The following CACNA2D1 variants were observed in gnomAD, a reference collection of about 807,000 sequenced individuals.
The protein encoded by CACNA2D1 is voltage-dependent calcium channel subunit alpha-2/delta-1.
Under a neutral mutation model 171.5 loss-of-function variants are expected in CACNA2D1, and 53 were observed. That is an observed-to-expected ratio of 0.31 (90% CI 0.25 to 0.39). The LOEUF is 0.39. Among genes scored for constraint, CACNA2D1 ranks in the 10% least tolerant of loss-of-function variants. CACNA2D1 has a pLI of 1.00. For missense variants in CACNA2D1, 903 were observed against 1,299.8 expected (o/e 0.69, Z 4.69); for synonymous variants, 442 against 443.1 (o/e 1.00, Z 0.03).
chr7:81,994,661 T>C (rs914035697), intron 20 of CACNA2D1, among the ~76,000 whole-genome samples: 2 of 151,936 alleles, frequency 1.3e-5, no homozygotes, highest in Non-Finnish European at 2.9e-5. Context: ...AGCAATAGTA[T>C]TTTATAAAAA....
intron 4 of CACNA2D1, among the ~76,000 whole-genome samples, chr7:82,144,213 T>A (rs185335469): frequency 2.3e-3 from 350 of 152,228 alleles, no homozygotes; most frequent in African/African-American, 8.2e-3. Context: ...TAGTAAGAAT[T>A]TGGTTTCCAA....
At chr7:82,343,523 G>C (rs1818918048) in intron 2 of CACNA2D1, among the ~76,000 whole-genome samples, 1 of 152,116 alleles carries the variant, frequency 6.6e-6, no homozygotes. Flanking sequence ...AGAATTTTTT[G>C]GTTTTTAGGA....
At chr7:82,009,918 C>G (rs1799567069) in intron 15 of CACNA2D1, among the ~76,000 whole-genome samples, 1 of 152,008 alleles carries the variant, frequency 6.6e-6, no homozygotes, top group Non-Finnish European at 1.5e-5. Context: ...CACTTTGTCT[C>G]CTAATTAAAA....
intron 9 of CACNA2D1, among the ~76,000 whole-genome samples, chr7:82,061,752 T>G (rs191382420): frequency 1.3e-5 from 2 of 152,236 alleles, no homozygotes; most frequent in Admixed American, 6.5e-5. Flanking sequence ...AAAGACAGTT[T>G]GATGGGCAGG....
At chr7:81,982,416 T>G (rs1796535460) in intron 24 of CACNA2D1, 151 bp downstream of exon 24, 1 of 635,390 alleles carries the variant, frequency 1.6e-6, no homozygotes, top group Admixed American at 2.7e-5. Context: ...AATGAATAAA[T>G]AAAGATTTTG....
At chr7:82,134,106 CAT>C (rs1791333828) in intron 5 of CACNA2D1, among the ~76,000 whole-genome samples, 1 of 151,700 alleles carries the variant, frequency 6.6e-6, no homozygotes. Context: ...AATAAGTAAA[CAT>C]ATATGTTCAT....
chr7:82,279,792 T>G (rs560856465), intron 3 of CACNA2D1, among the ~76,000 whole-genome samples: 1 of 152,278 alleles, frequency 6.6e-6, no homozygotes, highest in African/African-American at 2.4e-5. Context: ...TAAGTATATA[T>G]ACCGCTTATT....
At chr7:82,439,671 T>C (rs532932286) in intron 1 of CACNA2D1, among the ~76,000 whole-genome samples, 1 of 151,278 alleles carries the variant, frequency 6.6e-6, no homozygotes, top group Non-Finnish European at 1.5e-5. Context: ...GCTACACATA[T>C]AGCTATGTGT....
chr7:82,218,278 C>T (rs1174937976), intron 3 of CACNA2D1, among the ~76,000 whole-genome samples: 1 of 152,086 alleles, frequency 6.6e-6, no homozygotes, highest in Non-Finnish European at 1.5e-5. Context: ...CGCTTTCAGG[C>T]AGACACTATT....
intron 3 of CACNA2D1, among the ~76,000 whole-genome samples, chr7:82,233,730 TA>T (rs1312319217): frequency 6.6e-6 from 1 of 152,106 alleles, no homozygotes; most frequent in African/African-American, 2.4e-5. Flanking sequence ...TATGTTTCCC[TA>T]AAACAACTCG....
chr7:82,081,239 T>C (rs1433369587), intron 7 of CACNA2D1, among the ~76,000 whole-genome samples: 1 of 152,206 alleles, frequency 6.6e-6, no homozygotes, highest in Non-Finnish European at 1.5e-5. Flanking sequence ...TGAGTCCTTC[T>C]ATATTATTTT....
intron 4 of CACNA2D1, among the ~76,000 whole-genome samples, chr7:82,152,136 G>C (rs1446154359): frequency 6.6e-6 from 1 of 151,858 alleles, no homozygotes; most frequent in Non-Finnish European, 1.5e-5. Flanking sequence ...TCCTAAAAAT[G>C]ATTAATCAAT....
chr7:82,292,543 T>C (rs1280913872), intron 3 of CACNA2D1, among the ~76,000 whole-genome samples: 1 of 152,204 alleles, frequency 6.6e-6, no homozygotes, highest in African/African-American at 2.4e-5. Flanking sequence ...AATTTGGATA[T>C]ACAATTCTAG....
intron 3 of CACNA2D1, among the ~76,000 whole-genome samples, chr7:82,219,983 T>C (rs1422673133): frequency 6.6e-6 from 1 of 152,166 alleles, no homozygotes; most frequent in Non-Finnish European, 1.5e-5. Context: ...ATACAAAGAT[T>C]ATTGTAGATT....
intron 4 of CACNA2D1, among the ~76,000 whole-genome samples, chr7:82,152,153 A>C (rs1027896234): frequency 1.3e-5 from 2 of 152,034 alleles, no homozygotes; most frequent in Admixed American, 6.6e-5. Flanking sequence ...CAATGCTTAT[A>C]AGTATTAATA....
intron 1 of CACNA2D1, among the ~76,000 whole-genome samples, chr7:82,441,186 T>C (rs1830479692): frequency 6.6e-6 from 1 of 152,036 alleles, no homozygotes; most frequent in Non-Finnish European, 1.5e-5. Context: ...AAATATTGCA[T>C]TTTTTAATTT....
At chr7:82,179,591 T>C (rs901791416) in intron 3 of CACNA2D1, among the ~76,000 whole-genome samples, 8 of 151,142 alleles carry the variant, frequency 5.3e-5, no homozygotes, top group African/African-American at 1.7e-4. Context: ...AAAATGGTTG[T>C]TTTATGTCCC....
chr7:82,056,009 TAAAAAAAA>T (rs61512655), intron 10 of CACNA2D1, among the ~76,000 whole-genome samples: 1 of 42,196 alleles, frequency 2.4e-5, no homozygotes, highest in African/African-American at 9.6e-5. Context: ...ACTCAAAAGT[TAAAAAAAA>T]AAAAAAAAAA....
At chr7:82,024,942 A>T (rs37148) in intron 12 of CACNA2D1, among the ~76,000 whole-genome samples, 2 of 151,152 alleles carry the variant, frequency 1.3e-5, no homozygotes, top group Non-Finnish European at 3.0e-5. Flanking sequence ...TAGAGGATCA[A>T]TTGGCCATAT....
Sources: gnomAD v4.1 joint callset for allele counts (sites outside exome capture counted in the v4.1 genomes callset) on GRCh38, gnomAD v4.1.1 for gene constraint, MANE v1.5 for transcripts, NCBI Gene and HGNC (gene_info 2026-07-23, HGNC 2026-07-21) for gene names.